Variants in COLEC11 observed in about 807,000 individuals in gnomAD.
COLEC11 encodes collectin subfamily member 11, also known as collectin-11.
A neutral mutation model predicts 27.3 loss-of-function variants in COLEC11; 20 were observed. The ratio of observed to expected loss-of-function variants is 0.73; its 90% CI spans 0.51 to 1.06. The LOEUF (loss-of-function observed/expected upper bound fraction) is 1.06, where lower values mean the gene tolerates loss of function less well. Among genes scored for constraint, COLEC11 ranks in the 50% least tolerant of loss-of-function variants. The probability of loss-of-function intolerance (pLI) is 0.00; values close to 1 mark genes in which losing one functional copy is unlikely to be tolerated. For synonymous variants in COLEC11, 163 were observed against 154.7 expected, an observed-to-expected ratio of 1.05 and a Z score of -0.40; for missense variants, 310 against 383.0, an observed-to-expected ratio of 0.81 and a Z score of 1.59.
chr2:3,641,505 G>C, intron 5 of COLEC11: 1 of 1,111,588 alleles, frequency 9.0e-7, no homozygotes, highest in Non-Finnish European at 1.2e-6. Flanking sequence ...GCCTAGCTTG[G>C]TCAGAGTTTG....
At chr2:3,610,733 C>T (rs144858136) in intron 2 of COLEC11, among the ~76,000 whole-genome samples, 1 of 152,304 alleles carries the variant, frequency 6.6e-6, no homozygotes, top group Non-Finnish European at 1.5e-5. Flanking sequence ...TTACTCTGTG[C>T]CTGGCTACCC....
intron 3 of COLEC11, among the ~76,000 whole-genome samples, chr2:3,621,872 T>C (rs576895455): frequency 3.3e-5 from 5 of 152,218 alleles, no homozygotes; most frequent in Non-Finnish European, 7.3e-5. Context: ...ATCTTTTTTA[T>C]TGTACATCTA....
chr2:3,597,302 G>A (rs1364732470), intron 1 of COLEC11, among the ~76,000 whole-genome samples: 4 of 150,506 alleles, frequency 2.7e-5, no homozygotes, highest in Non-Finnish European at 4.4e-5. Flanking sequence ...GTGAAGGCAC[G>A]AGAAATCCCA....
chr2:3,638,490 G>A (rs1352944855), intron 4 of COLEC11, among the ~76,000 whole-genome samples: 2 of 152,218 alleles, frequency 1.3e-5, no homozygotes, highest in East Asian at 1.9e-4. Context: ...CAGGGGCCAG[G>A]TTCTTCTACC....
At chr2:3,623,746 G>A (rs1020160104) in intron 3 of COLEC11, among the ~76,000 whole-genome samples, 1 of 151,816 alleles carries the variant, frequency 6.6e-6, no homozygotes. Context: ...ATGTTCTCTT[G>A]TATCTCATTG....
chr2:3,619,680 C>T (rs1283983355), intron 3 of COLEC11, among the ~76,000 whole-genome samples: 1 of 152,188 alleles, frequency 6.6e-6, no homozygotes, highest in Non-Finnish European at 1.5e-5. Context: ...GGCTGGAGTG[C>T]AATGGCATGA....
At chr2:3,635,580 A>G (rs1463176663) in intron 3 of COLEC11, among the ~76,000 whole-genome samples, 1 of 152,046 alleles carries the variant, frequency 6.6e-6, no homozygotes, top group African/African-American at 2.4e-5. Flanking sequence ...CCTCGCACGC[A>G]CTGCAGTTGC....
intron 3 of COLEC11, among the ~76,000 whole-genome samples, chr2:3,624,394 G>C (rs1042047792): frequency 2.6e-5 from 4 of 152,178 alleles, no homozygotes; most frequent in Non-Finnish European, 4.4e-5. Context: ...GCAATTATTA[G>C]GGTCCATAGC....
rs148956026 is a variant in COLEC11, at chr2:3,602,869, G to C, written c.-26-1446G>C. ...CATCCTGAACAGCAGCATGTGTCCC[G>C]GCCACTGGACTCTGCCTCACTCTTC... On this transcript the variant is annotated intron_variant, in intron 1 of 6. Transcript: ENST00000349077. The surrounding 1 kb of genome is among the most constrained non-coding windows in gnomAD (Gnocchi z 6.2). Among the ~76,000 whole-genome samples the C allele has an allele frequency of 6.6e-6, 1 of 152,148 alleles. No homozygotes were observed.
At chr2:3,641,420 GA>G (rs1217165577) in intron 5 of COLEC11, 2 of 1,290,636 alleles carry the variant, frequency 1.5e-6, no homozygotes, top group Non-Finnish European at 2.0e-6. Context: ...CTGGGAGACA[GA>G]AGGACCTGGA....
chr2:3,644,052 C>G lies in COLEC11; in HGVS notation c.750C>G (p.Gly250=). The change falls in exon 7 of 7, where the codon GGC becomes GGG. Residue 250 remains glycine (G), a synonymous_variant. Coordinates refer to ENST00000349077, the MANE Select transcript of COLEC11 (RefSeq NM_024027.5). ...EDCVEMVASG[G]WNDVACHTTM... is the part of the protein sequence containing the mutation. ...GCGTGGAGATGGTGGCCTCGGGCGG[C>G]TGGAACGACGTGGCCTGCCACACCA... is the stretch of plus-strand genomic sequence containing the variant. 1 of 1,613,694 alleles carries G rather than the reference C, an allele frequency of 6.2e-7. No individual in the cohort carries two copies. The highest frequency in any genetic ancestry group is 2.2e-5 in the East Asian group (1 of 44,886).
intron 1 of COLEC11, among the ~76,000 whole-genome samples, chr2:3,600,260 CAAAAG>C (rs1384378564): frequency 3.3e-5 from 5 of 149,336 alleles, no homozygotes; most frequent in African/African-American, 9.9e-5. Context: ...AAGCAAAACT[CAAAAG>C]CAAGCAAGGC....
At chr2:3,628,305 A>C (rs115125222) in intron 3 of COLEC11, among the ~76,000 whole-genome samples, 2,387 of 152,336 alleles carry the variant, frequency 0.016, 61 homozygotes, top group African/African-American at 0.054. Flanking sequence ...GCTTCCGGCC[A>C]TGCTGGGCGG....
intron 2 of COLEC11, chr2:3,605,950 C>A (rs1313199730): frequency 9.7e-7 from 1 of 1,034,778 alleles, no homozygotes; most frequent in Non-Finnish European, 1.4e-6. Context: ...CCCAGACAAG[C>A]CCAGTGGCCT....
chr2:3,640,777 T>C (rs555947378), intron 5 of COLEC11, among the ~76,000 whole-genome samples: 32 of 38,090 alleles, frequency 8.4e-4, no homozygotes, highest in Non-Finnish European at 1.3e-3. Context: ...GATCCCACAG[T>C]GGACACCCAC....
intron 1 of COLEC11, among the ~76,000 whole-genome samples, chr2:3,598,764 G>A (rs1164865121): frequency 1.3e-5 from 2 of 152,116 alleles, no homozygotes; most frequent in Non-Finnish European, 2.9e-5. Context: ...GGTGCGGGGT[G>A]TGGAGAGGAG....
At chr2:3,600,883 T>C (rs1267055179) in intron 1 of COLEC11, among the ~76,000 whole-genome samples, 4 of 152,214 alleles carry the variant, frequency 2.6e-5, no homozygotes, top group Admixed American at 6.5e-5. Flanking sequence ...TATCTGACAT[T>C]TTCCATTATA....
chr2:3,605,925 T>G (rs1662653988), intron 2 of COLEC11: 1 of 771,908 alleles, frequency 1.3e-6, no homozygotes, highest in Non-Finnish European at 2.0e-6. Context: ...GGAAACCAAG[T>G]GGACTGTCCT....
At chr2:3,635,462 C>T (rs560900801) in intron 3 of COLEC11, among the ~76,000 whole-genome samples, 18 of 152,322 alleles carry the variant, frequency 1.2e-4, no homozygotes, top group Admixed American at 2.6e-4. Flanking sequence ...CGCCAACCCT[C>T]CACATCTCCT....
Sources: gnomAD v4.1 joint callset for allele counts (sites outside exome capture counted in the v4.1 genomes callset) on GRCh38, gnomAD v4.1.1 for gene constraint, Gnocchi (gnomAD v3.1) non-coding constraint, MANE v1.5 for transcripts, NCBI Gene and HGNC (gene_info 2026-07-23, HGNC 2026-07-21) for gene names.